LRRTM4: variants seen among roughly 807,000 people sequenced by gnomAD.
LRRTM4 encodes the protein leucine rich repeat transmembrane neuronal 4, also known as leucine-rich repeat transmembrane neuronal protein 4.
LRRTM4 carries 25 observed loss-of-function variants against 47.6 expected under a neutral mutation model. The observed-to-expected ratio is 0.53, with a 90% CI of 0.38 to 0.73. The LOEUF (loss-of-function observed/expected upper bound fraction) is 0.73. Among genes scored for constraint, LRRTM4 ranks in the 30% least tolerant of loss-of-function variants. The pLI, the probability that LRRTM4 is intolerant of heterozygous loss-of-function variation, is 0.00. For missense variants in LRRTM4, 638 were observed against 713.4 expected, an observed-to-expected ratio of 0.89 and a Z score of 1.20; for synonymous variants, 311 against 269.5, an observed-to-expected ratio of 1.15 and a Z score of -1.51.
chr2:76,764,010 G>C (rs1673359571), intron 3 of LRRTM4, among the ~76,000 whole-genome samples: 1 of 152,096 alleles, frequency 6.6e-6, no homozygotes, highest in South Asian at 2.1e-4. Flanking sequence ...ATTGGTCACT[G>C]GAGTCTTTGT....
intron 3 of LRRTM4, among the ~76,000 whole-genome samples, chr2:76,775,813 T>G (rs1673950295): frequency 6.6e-6 from 1 of 152,128 alleles, no homozygotes; most frequent in Non-Finnish European, 1.5e-5. Flanking sequence ...TTGTGCAGGT[T>G]AGTTACATAT....
chr2:77,280,972 C>T (rs1558666520), intron 3 of LRRTM4, among the ~76,000 whole-genome samples: 1 of 151,912 alleles, frequency 6.6e-6, no homozygotes, highest in Non-Finnish European at 1.5e-5. Context: ...CTAATACCCC[C>T]TGATCTATTA....
intron 3 of LRRTM4, among the ~76,000 whole-genome samples, chr2:76,915,279 T>C (rs942971280): frequency 3.3e-5 from 5 of 152,094 alleles, no homozygotes; most frequent in African/African-American, 1.2e-4. Context: ...TTCTGGAAAG[T>C]TCATCAGGTA....
chr2:76,847,764 G>C (rs751709176), intron 3 of LRRTM4, among the ~76,000 whole-genome samples: 13 of 151,950 alleles, frequency 8.6e-5, no homozygotes, highest in Non-Finnish European at 1.8e-4. Flanking sequence ...TTTTGATTAT[G>C]TGTATTAACC....
intron 3 of LRRTM4, among the ~76,000 whole-genome samples, chr2:77,028,761 C>T (rs529760039): frequency 3.3e-5 from 5 of 151,746 alleles, no homozygotes; most frequent in South Asian, 2.1e-4. Context: ...GCAGGCCTGG[C>T]GCGGTGGCTC....
At chr2:76,986,108 C>G (rs1676785042) in intron 3 of LRRTM4, 1 of 147,476 alleles carries the variant, frequency 6.8e-6, no homozygotes, top group Admixed American at 6.9e-5. Flanking sequence ...ATAATGTTAA[C>G]TCTAGATTTT....
At chr2:77,014,869 T>C (rs1419923976) in intron 3 of LRRTM4, among the ~76,000 whole-genome samples, 3 of 152,130 alleles carry the variant, frequency 2.0e-5, no homozygotes, top group African/African-American at 4.8e-5. Flanking sequence ...TTATATAATA[T>C]CTCATAATTG....
At chr2:76,917,293 A>G (rs1573310787) in intron 3 of LRRTM4, among the ~76,000 whole-genome samples, 1 of 152,190 alleles carries the variant, frequency 6.6e-6, no homozygotes, top group South Asian at 2.1e-4. Flanking sequence ...TCTGATACAC[A>G]AAGTTCACAG....
chr2:77,315,376 C>T (rs1453948891), intron 3 of LRRTM4, among the ~76,000 whole-genome samples: 2 of 152,072 alleles, frequency 1.3e-5, no homozygotes, highest in Non-Finnish European at 2.9e-5. Flanking sequence ...ATAATACATA[C>T]ATTTATATAT....
chr2:76,915,161 G>T (rs1255894646), intron 3 of LRRTM4, among the ~76,000 whole-genome samples: 1 of 152,154 alleles, frequency 6.6e-6, no homozygotes, highest in Non-Finnish European at 1.5e-5. Flanking sequence ...AGTGAACCCT[G>T]GGAGCAAGCT....
chr2:77,468,491 T>G (rs1677064926), intron 3 of LRRTM4, among the ~76,000 whole-genome samples: 1 of 152,200 alleles, frequency 6.6e-6, no homozygotes, highest in African/African-American at 2.4e-5. Context: ...CTCCTATTTA[T>G]TCTTCAAGTA....
intron 3 of LRRTM4, among the ~76,000 whole-genome samples, chr2:77,453,796 C>A (rs1193203791): frequency 6.6e-6 from 1 of 152,090 alleles, no homozygotes; most frequent in African/African-American, 2.4e-5. Flanking sequence ...TTGTTTAATT[C>A]ATTCACATTT....
chr2:77,426,982 T>TC (rs1491128540), intron 3 of LRRTM4, among the ~76,000 whole-genome samples: 18 of 129,066 alleles, frequency 1.4e-4, no homozygotes, highest in African/African-American at 5.5e-4. Flanking sequence ...TGTGCCTGGC[T>TC]TTTTTTTTTT....
rs537388372 is a variant in LRRTM4 at position 77,383,814 on chromosome 2, G to C, written c.1551+134504C>G. On this transcript the variant is annotated intron_variant, in intron 3 of 3. Transcript: ENST00000409884. Reference sequence around the variant, plus strand: ...GAAGCACTGACCAGCAGTTCTTAAAGACCTCAAATCTACTGAATAAGACCT... The same window carrying C: ...GAAGCACTGACCAGCAGTTCTTAAACACCTCAAATCTACTGAATAAGACCT... Among the ~76,000 whole-genome samples the C allele has an allele frequency of 2.0e-5, 3 of 152,082 alleles. No individual in the cohort carries two copies. In the South Asian group the frequency reaches 6.2e-4, roughly 32 times the overall value.
chr2:77,522,002 G>C, intron 1 of LRRTM4, 107 bp downstream of exon 1: 1 of 686,978 alleles, frequency 1.5e-6, no homozygotes, highest in African/African-American at 1.8e-5. Context: ...ATTCACCAGA[G>C]ACCCATCAGC....
chr2:77,251,885 G>A (rs1235251522), intron 3 of LRRTM4, among the ~76,000 whole-genome samples: 1 of 152,080 alleles, frequency 6.6e-6, no homozygotes, highest in Admixed American at 6.6e-5. Context: ...ATGATATTTG[G>A]GTGGGTGGTG....
intron 3 of LRRTM4, among the ~76,000 whole-genome samples, chr2:77,052,150 CTTTTTTTTT>C (rs70939841): frequency 1.6e-5 from 1 of 63,598 alleles, no homozygotes; most frequent in Non-Finnish European, 2.8e-5. Flanking sequence ...GTTACATTTC[CTTTTTTTTT>C]TTTTTTTTTT....
At chr2:76,891,187 C>T (rs1020079081) in intron 3 of LRRTM4, among the ~76,000 whole-genome samples, 1 of 151,822 alleles carries the variant, frequency 6.6e-6, no homozygotes, top group African/African-American at 2.4e-5. Context: ...CAACATTCTT[C>T]CTCCCAAGAT....
intron 3 of LRRTM4, among the ~76,000 whole-genome samples, chr2:77,012,459 C>G (rs1677910381): frequency 6.6e-6 from 1 of 152,078 alleles, no homozygotes; most frequent in Admixed American, 6.6e-5. Context: ...GTTTCTTTAA[C>G]TCAAAACTAA....
Sources: allele counts gnomAD v4.1 joint callset (sites outside exome capture counted in the v4.1 genomes callset), GRCh38; gene constraint gnomAD v4.1.1; transcripts MANE v1.5; gene names NCBI Gene and HGNC (gene_info 2026-07-23, HGNC 2026-07-21).